Variants in NTRK3 observed in about 807,000 individuals in gnomAD.
NTRK3 encodes the protein neurotrophic receptor tyrosine kinase 3, also known as NT-3 growth factor receptor.
A neutral mutation model predicts 91.7 loss-of-function variants in NTRK3; 24 were observed. The observed-to-expected ratio is 0.26, with a 90% CI of 0.19 to 0.37. NTRK3 has a LOEUF of 0.37. NTRK3 is among the 10% of genes least tolerant of loss of function. NTRK3 has a pLI of 1.00. For synonymous variants in NTRK3, 483 were observed against 404.0 expected (o/e 1.20, Z -2.34); for missense variants, 880 against 1,068.9 (o/e 0.82, Z 2.46).
At chr15:87,883,632 AC>A (rs2065373016) in intron 17 of NTRK3, among the ~76,000 whole-genome samples, 1 of 151,252 alleles carries the variant, frequency 6.6e-6, no homozygotes, top group South Asian at 2.1e-4. Flanking sequence ...ATTTTCAATT[AC>A]CTAAAAAAAG....
chr15:87,965,318 CT>C (rs1248419519), intron 14 of NTRK3, among the ~76,000 whole-genome samples: 1 of 152,316 alleles, frequency 6.6e-6, no homozygotes, highest in African/African-American at 2.4e-5. Flanking sequence ...AAAAACTATC[CT>C]TCCTATTCAA....
chr15:88,106,574 A>C (rs1256402671), intron 13 of NTRK3, among the ~76,000 whole-genome samples: 1 of 152,062 alleles, frequency 6.6e-6, no homozygotes, highest in Non-Finnish European at 1.5e-5. Context: ...GTTGTGTGAA[A>C]AAAATAGGTC....
intron 17 of NTRK3, 158 bp downstream of exon 17, chr15:87,929,033 G>C: frequency 1.0e-6 from 1 of 997,272 alleles, no homozygotes; most frequent in Admixed American, 1.9e-5. Context: ...GGTATGTCAA[G>C]ATGCAAGAGA....
At chr15:87,981,135 GAGGCTTGATGAGTCTTA>G in intron 14 of NTRK3, 1 of 1,545,324 alleles carries the variant, frequency 6.5e-7, no homozygotes, top group Non-Finnish European at 8.8e-7. Flanking sequence ...GAAATATATG[GAGGCTTGATGAGTCTTA>G]AGGTCTTAAG....
At chr15:87,961,439 T>A (rs550330342) in intron 14 of NTRK3, among the ~76,000 whole-genome samples, 2 of 152,388 alleles carry the variant, frequency 1.3e-5, no homozygotes, top group South Asian at 4.1e-4. Context: ...GGAGATTTTT[T>A]AAAGTCGCAT....
chr15:88,214,676 A>C (rs1220952098), intron 3 of NTRK3, among the ~76,000 whole-genome samples: 12 of 102,054 alleles, frequency 1.2e-4, no homozygotes, highest in South Asian at 7.4e-4. Context: ...AAAAAAAAAA[A>C]CAGAGAGAAT....
intron 13 of NTRK3, among the ~76,000 whole-genome samples, chr15:88,096,197 A>T (rs144228926): frequency 6.6e-6 from 1 of 152,214 alleles, no homozygotes; most frequent in Non-Finnish European, 1.5e-5. Context: ...AGTTTATTCC[A>T]GCATGGGACA....
intron 14 of NTRK3, among the ~76,000 whole-genome samples, chr15:87,996,080 C>G (rs1038305033): frequency 6.6e-6 from 1 of 151,882 alleles, no homozygotes; most frequent in African/African-American, 2.4e-5. Flanking sequence ...CCCATCTCTA[C>G]TAAAAATACA....
At chr15:87,983,032 T>G (rs943631195) in intron 14 of NTRK3, among the ~76,000 whole-genome samples, 1 of 152,356 alleles carries the variant, frequency 6.6e-6, no homozygotes, top group South Asian at 2.1e-4. Flanking sequence ...ATGAGACTAT[T>G]ACCTAACTGC....
chr15:88,123,316 G>A (rs1036770013), intron 13 of NTRK3, among the ~76,000 whole-genome samples: 4 of 152,164 alleles, frequency 2.6e-5, no homozygotes, highest in Admixed American at 1.3e-4. Flanking sequence ...AAGTGGTATC[G>A]TACATTCTCA....
intron 3 of NTRK3, among the ~76,000 whole-genome samples, chr15:88,209,372 A>G (rs985861241): frequency 2.6e-5 from 4 of 152,226 alleles, no homozygotes; most frequent in Admixed American, 6.5e-5. Flanking sequence ...GGTTAATCCA[A>G]TGTGTGTTCT....
intron 14 of NTRK3, among the ~76,000 whole-genome samples, chr15:87,996,835 A>C (rs1297497477): frequency 6.6e-6 from 1 of 152,220 alleles, no homozygotes; most frequent in Non-Finnish European, 1.5e-5. Flanking sequence ...TCAGTGGAAG[A>C]ACTGAGGTTA....
At chr15:88,120,509 A>AG (rs2052586896) in intron 13 of NTRK3, among the ~76,000 whole-genome samples, 1 of 152,174 alleles carries the variant, frequency 6.6e-6, no homozygotes, top group African/African-American at 2.4e-5. Flanking sequence ...AAGCCCAAGC[A>AG]GCAGTTCTTG....
At chr15:88,031,409 G>T (rs1169671416) in intron 14 of NTRK3, among the ~76,000 whole-genome samples, 1 of 152,186 alleles carries the variant, frequency 6.6e-6, no homozygotes, top group Admixed American at 6.5e-5. Context: ...ACCATAGAAG[G>T]TCCTTCCTCC....
chr15:87,932,919 T>C, intron 16 of NTRK3, 93 bp downstream of exon 16: 1 of 1,255,708 alleles, frequency 8.0e-7, no homozygotes, highest in South Asian at 1.2e-5. Context: ...AGGAAAGTGT[T>C]TAGAGGGGGT....
intron 17 of NTRK3, among the ~76,000 whole-genome samples, chr15:87,905,376 G>A (rs952333481): frequency 4.6e-5 from 7 of 152,080 alleles, no homozygotes; most frequent in African/African-American, 1.4e-4. Context: ...TCTCTCTTCC[G>A]CATCTAAATG....
At chr15:88,009,589 C>T (rs549913537) in intron 14 of NTRK3, among the ~76,000 whole-genome samples, 23 of 152,290 alleles carry the variant, frequency 1.5e-4, no homozygotes, top group African/African-American at 5.3e-4. Flanking sequence ...AAGAATGATA[C>T]GCTCTGCATA....
intron 13 of NTRK3, among the ~76,000 whole-genome samples, chr15:88,062,018 ATC>A (rs1297981303): frequency 6.6e-6 from 1 of 152,232 alleles, no homozygotes; most frequent in Admixed American, 6.5e-5. Context: ...AAAATAAAAA[ATC>A]ATACAAATTT....
At chr15:88,242,178 A>C (rs1231374645) in intron 3 of NTRK3, among the ~76,000 whole-genome samples, 1 of 152,094 alleles carries the variant, frequency 6.6e-6, no homozygotes, top group Non-Finnish European at 1.5e-5. Flanking sequence ...TCACCTTCCA[A>C]ATAAACTACC....
Sources: allele counts gnomAD v4.1 joint callset (sites outside exome capture counted in the v4.1 genomes callset), GRCh38; gene constraint gnomAD v4.1.1; transcripts MANE v1.5; gene names NCBI Gene and HGNC (gene_info 2026-07-23, HGNC 2026-07-21).